The following RPSA2 variants were observed in gnomAD, a reference collection of about 807,000 sequenced individuals.
The protein encoded by RPSA2 is small ribosomal subunit protein uS2B.
chr19:23,765,701 A>G, the RPSA2 span, among the ~76,000 whole-genome samples: 1 of 152,190 alleles, frequency 6.6e-6, no homozygotes, highest in Admixed American at 6.6e-5. Flanking sequence ...CGATGAAGTA[A>G]TCTGCACAAC....
the RPSA2 span, chr19:23,790,649 G>A: frequency 3.1e-6 from 1 of 319,568 alleles, no homozygotes; most frequent in Non-Finnish European, 6.1e-6. Context: ...TGCAGATGGA[G>A]CTCCAGGTGT....
At chr19:23,810,696 C>T in the RPSA2 span, among the ~76,000 whole-genome samples, 1 of 152,066 alleles carries the variant, frequency 6.6e-6, no homozygotes, top group Non-Finnish European at 1.5e-5. Context: ...GCCTCAGGGA[C>T]CACAGTAAAG....
the RPSA2 span, chr19:23,843,260 G>A: frequency 9.2e-6 from 2 of 217,144 alleles, no homozygotes; most frequent in Admixed American, 4.7e-5. Context: ...ACATGAGACA[G>A]TGGTCAAATA....
At chr19:23,787,265 G>A in the RPSA2 span, among the ~76,000 whole-genome samples, 148,899 of 152,218 alleles carry the variant, frequency 0.98, 72,919 homozygotes, top group Middle Eastern at 1. Flanking sequence ...ACACTCAGGG[G>A]ATGTAATTTT....
At chr19:23,801,327 C>G in the RPSA2 span, among the ~76,000 whole-genome samples, 3 of 6,176 alleles carry the variant, frequency 4.9e-4, no homozygotes, top group African/African-American at 5.1e-4. Context: ...GCAACCTCTT[C>G]CTCCCAGGTC....
the RPSA2 span, chr19:23,832,011 C>T: frequency 2.3e-6 from 1 of 425,712 alleles, no homozygotes; most frequent in South Asian, 2.0e-5. Flanking sequence ...GGTCCTCAAT[C>T]CTTACTAATA....
chr19:23,804,504 C>G, the RPSA2 span, among the ~76,000 whole-genome samples: 1 of 151,860 alleles, frequency 6.6e-6, no homozygotes, highest in Non-Finnish European at 1.5e-5. Flanking sequence ...ACCGTGTTAG[C>G]CAGGATGGTC....
the RPSA2 span, among the ~76,000 whole-genome samples, chr19:23,810,784 C>A: frequency 1.3e-5 from 2 of 152,128 alleles, no homozygotes; most frequent in Non-Finnish European, 2.9e-5. Context: ...GGACCTCCCC[C>A]AGACTGTGAC....
chr19:23,774,441 TCTG>T, the RPSA2 span, among the ~76,000 whole-genome samples: 1 of 152,164 alleles, frequency 6.6e-6, no homozygotes, highest in Non-Finnish European at 1.5e-5. Context: ...CATCATGAGT[TCTG>T]CTGGCAAGGG....
chr19:23,763,822 T>A, the RPSA2 span, among the ~76,000 whole-genome samples: 1 of 152,158 alleles, frequency 6.6e-6, no homozygotes, highest in Non-Finnish European at 1.5e-5. Flanking sequence ...AGAGGTTATT[T>A]GAGCCGTGAT....
the RPSA2 span, chr19:23,758,812 G>A: frequency 3.7e-6 from 6 of 1,609,792 alleles, no homozygotes; most frequent in Admixed American, 8.4e-5. Flanking sequence ...AGGTCAGAGG[G>A]CCATAGAGGC....
At chr19:23,762,070 A>G in the RPSA2 span, among the ~76,000 whole-genome samples, 1 of 151,096 alleles carries the variant, frequency 6.6e-6, no homozygotes, top group Non-Finnish European at 1.5e-5. Context: ...GGCGTGCGCC[A>G]CCACGCCCGG....
At chr19:23,854,674 C>A in the RPSA2 span, among the ~76,000 whole-genome samples, 4 of 152,202 alleles carry the variant, frequency 2.6e-5, no homozygotes. Context: ...TTTATTGAGC[C>A]AGCTTGGCTG....
At chr19:23,760,865 AT>A in the RPSA2 span, among the ~76,000 whole-genome samples, 3 of 151,180 alleles carry the variant, frequency 2.0e-5, no homozygotes, top group East Asian at 5.8e-4. Flanking sequence ...GGGTTTTACC[AT>A]TTTGGGCAGG....
chr19:23,850,924 C>G, the RPSA2 span, among the ~76,000 whole-genome samples: 5 of 152,286 alleles, frequency 3.3e-5, no homozygotes, highest in African/African-American at 1.2e-4. Context: ...GCCCGTTCCA[C>G]AACAGCCTGT....
At chr19:23,797,255 A>G in the RPSA2 span, among the ~76,000 whole-genome samples, 2 of 152,056 alleles carry the variant, frequency 1.3e-5, no homozygotes, top group Admixed American at 6.6e-5. Flanking sequence ...GATTATAGGC[A>G]TGTGCCACCA....
the RPSA2 span, among the ~76,000 whole-genome samples, chr19:23,769,904 A>T: frequency 0.023 from 3,568 of 152,256 alleles, 66 homozygotes; most frequent in Non-Finnish European, 0.038. Context: ...GTATTATGAA[A>T]TATCTTTATA....
the RPSA2 span, chr19:23,807,853 A>G: frequency 5.6e-4 from 244 of 439,558 alleles, no homozygotes; most frequent in African/African-American, 4.0e-3. Flanking sequence ...GTATGTGGCC[A>G]TAGAATTCTC....
chr19:23,794,869 T>C, the RPSA2 span, among the ~76,000 whole-genome samples: 4 of 152,284 alleles, frequency 2.6e-5, no homozygotes, highest in South Asian at 8.3e-4. Context: ...TTGTATATGG[T>C]GTAATAAAGT....
Sources: allele counts gnomAD v4.1 joint callset (sites outside exome capture counted in the v4.1 genomes callset), GRCh38; gene constraint gnomAD v4.1.1; transcripts MANE v1.5; gene names NCBI Gene and HGNC (gene_info 2026-07-23, HGNC 2026-07-21).